The following CAP2 variants were observed in gnomAD, a reference collection of about 807,000 sequenced individuals.
CAP2 encodes cyclase associated actin cytoskeleton regulatory protein 2.
CAP2 carries 24 observed loss-of-function variants against 57.7 expected under a neutral mutation model. That is an observed-to-expected ratio of 0.42 (90% CI 0.30 to 0.58). The LOEUF (loss-of-function observed/expected upper bound fraction) is 0.58, where lower values mean the gene tolerates loss of function less well. Among genes scored for constraint, CAP2 ranks in the 20% least tolerant of loss-of-function variants. The probability of loss-of-function intolerance (pLI) is 0.22; values close to 1 mark genes in which losing one functional copy is unlikely to be tolerated. For missense variants in CAP2, 501 were observed against 590.3 expected (o/e 0.85, Z 1.57); for synonymous variants, 194 against 207.2 (o/e 0.94, Z 0.55).
intron 3 of CAP2, among the ~76,000 whole-genome samples, chr6:17,453,810 TC>T (rs1760475035): frequency 6.6e-6 from 1 of 152,096 alleles, no homozygotes; most frequent in African/African-American, 2.4e-5. Context: ...CACTAACCTC[TC>T]CAGGTCTTGA....
chr6:17,511,443 T>C (rs1581583523), intron 6 of CAP2, among the ~76,000 whole-genome samples: 1 of 151,846 alleles, frequency 6.6e-6, no homozygotes, highest in Admixed American at 6.6e-5. Context: ...TCATTGGCTG[T>C]TTTTCTCTTT....
intron 3 of CAP2, among the ~76,000 whole-genome samples, chr6:17,440,614 GGTGTGT>G (rs55662495): frequency 7.8e-5 from 11 of 141,682 alleles, no homozygotes; most frequent in Admixed American, 1.4e-4. Context: ...AACTGTGTGT[GGTGTGT>G]GTGTGTGTGT....
chr6:17,542,990 TATG>T (rs1350008915), intron 10 of CAP2, 30 bp downstream of exon 10: 2 of 1,612,940 alleles, frequency 1.2e-6, no homozygotes, highest in South Asian at 1.1e-5. Flanking sequence ...CTATGGTTAT[TATG>T]ATGTTTTATA....
At chr6:17,556,209 A>T in intron 12 of CAP2, 150 bp from the exon 13 acceptor site, 2 of 619,902 alleles carry the variant, frequency 3.2e-6, no homozygotes, top group African/African-American at 1.8e-5. Flanking sequence ...CGTGACAAAG[A>T]CCTCCCCATG....
chr6:17,422,601 G>A (rs939573757), intron 2 of CAP2, among the ~76,000 whole-genome samples: 5 of 151,898 alleles, frequency 3.3e-5, no homozygotes, highest in East Asian at 1.9e-4. Context: ...CGCCTGCCTC[G>A]TCCTCCCAAA....
chr6:17,522,750 G>A (rs72835434), intron 7 of CAP2, among the ~76,000 whole-genome samples: 8,890 of 152,316 alleles, frequency 0.058, 341 homozygotes, highest in Middle Eastern at 0.088. Context: ...CTAAGAAGGT[G>A]GGGCTATGTA....
chr6:17,398,741 G>A (rs1758732737), intron 1 of CAP2, among the ~76,000 whole-genome samples: 1 of 152,002 alleles, frequency 6.6e-6, no homozygotes, highest in South Asian at 2.1e-4. Flanking sequence ...AGCCAGGATG[G>A]TCTCAATCTC....
chr6:17,489,141 A>G (rs1305359898), intron 4 of CAP2, among the ~76,000 whole-genome samples: 1 of 152,224 alleles, frequency 6.6e-6, no homozygotes, highest in Non-Finnish European at 1.5e-5. Flanking sequence ...AACTACCTTT[A>G]AAGAAAATCA....
At chr6:17,420,513 G>C (rs749222874) in intron 1 of CAP2, among the ~76,000 whole-genome samples, 27 of 152,158 alleles carry the variant, frequency 1.8e-4, no homozygotes, top group Non-Finnish European at 2.8e-4. Flanking sequence ...TCCTGGGCAG[G>C]GTTGTTTGGT....
At chr6:17,425,244 A>G (rs1759559226) in intron 2 of CAP2, among the ~76,000 whole-genome samples, 1 of 152,236 alleles carries the variant, frequency 6.6e-6, no homozygotes, top group African/African-American at 2.4e-5. Flanking sequence ...TATTAGGGAC[A>G]TGAAATCAGG....
intron 1 of CAP2, among the ~76,000 whole-genome samples, chr6:17,414,241 T>G (rs1019353094): frequency 5.3e-5 from 8 of 152,078 alleles, no homozygotes; most frequent in Admixed American, 5.2e-4. Flanking sequence ...TCCAGTTTCC[T>G]GTCACTTCAA....
chr6:17,554,423 G>C (rs539374008), intron 12 of CAP2, among the ~76,000 whole-genome samples: 2 of 152,156 alleles, frequency 1.3e-5, no homozygotes, highest in Non-Finnish European at 2.9e-5. Flanking sequence ...GCACTACACT[G>C]TGTAAGGCTT....
At chr6:17,479,837 G>C (rs541929463) in intron 4 of CAP2, among the ~76,000 whole-genome samples, 1 of 151,806 alleles carries the variant, frequency 6.6e-6, no homozygotes, top group South Asian at 2.1e-4. Context: ...GGATGATCTC[G>C]ATCTCCTGAC....
intron 4 of CAP2, among the ~76,000 whole-genome samples, chr6:17,466,142 T>TA (rs1198997440): frequency 1.3e-5 from 2 of 152,230 alleles, no homozygotes; most frequent in Admixed American, 1.3e-4. Context: ...AGATGCATCT[T>TA]AAAGATCAGT....
chr6:17,485,127 T>A (rs1761387956), intron 4 of CAP2, among the ~76,000 whole-genome samples: 1 of 151,900 alleles, frequency 6.6e-6, no homozygotes, highest in Admixed American at 6.6e-5. Flanking sequence ...AATAGTGAAA[T>A]AACTAGATTC....
At chr6:17,457,336 C>A (rs1157166219) in intron 3 of CAP2, among the ~76,000 whole-genome samples, 6 of 152,186 alleles carry the variant, frequency 3.9e-5, no homozygotes, top group Non-Finnish European at 8.8e-5. Flanking sequence ...TTTTCTTTCA[C>A]AGTGTTTTGA....
chr6:17,542,996 GT>G, intron 10 of CAP2, 36 bp downstream of exon 10: 1 of 1,612,810 alleles, frequency 6.2e-7, no homozygotes, highest in Non-Finnish European at 8.5e-7. Flanking sequence ...TTATTATGAT[GT>G]TTTATAAACA....
chr6:17,449,516 C>T (rs112149320), intron 3 of CAP2, among the ~76,000 whole-genome samples: 3,979 of 152,034 alleles, frequency 0.026, 194 homozygotes, highest in African/African-American at 0.09. Context: ...AAGTGATTCT[C>T]GTGCCTCAGC....
Position 17,556,513 on chromosome 6 carries a change from G to A in CAP2, c.*71G>A. On this transcript the variant is annotated 3_prime_UTR_variant, in exon 13 of 13. Coordinates refer to ENST00000229922, the MANE Select transcript of CAP2 (RefSeq NM_006366.3). ...ACAAACAAAAAAGCAGCAGTAAAGAGCTAGAAGTTGCAGTAGCCCCTACTG... is the reference window on the plus strand; with the variant it reads ...ACAAACAAAAAAGCAGCAGTAAAGAACTAGAAGTTGCAGTAGCCCCTACTG... 9.1e-7 allele frequency: 1 copy of A among 1,097,942 alleles called. No individual in the cohort carries two copies. The highest frequency in any genetic ancestry group is 1.4e-6 in the Non-Finnish European group (1 of 710,844). The allele number at this position is 1,097,942 out of a possible 1,614,324, so 68.0% of individuals were successfully genotyped here.
Sources: gnomAD v4.1 joint callset for allele counts (sites outside exome capture counted in the v4.1 genomes callset) on GRCh38, gnomAD v4.1.1 for gene constraint, MANE v1.5 for transcripts, NCBI Gene and HGNC (gene_info 2026-07-23, HGNC 2026-07-21) for gene names.